TTC28: variants seen among roughly 807,000 people sequenced by gnomAD.
The protein encoded by TTC28 is tetratricopeptide repeat protein 28.
Under a neutral mutation model 198.0 loss-of-function variants are expected in TTC28, and 61 were observed. That is an observed-to-expected ratio of 0.31 (90% CI 0.25 to 0.38). The LOEUF (loss-of-function observed/expected upper bound fraction) is 0.38, where lower values mean the gene tolerates loss of function less well. Ranked by LOEUF, TTC28 falls within the 10% of genes least tolerant of loss-of-function variation. The pLI is 1.00. For synonymous variants in TTC28, 1,171 were observed against 1,297.8 expected, an observed-to-expected ratio of 0.90 and a Z score of 2.10; for missense variants, 2,678 against 3,164.0, an observed-to-expected ratio of 0.85 and a Z score of 3.69.
intron 13 of TTC28, among the ~76,000 whole-genome samples, chr22:28,018,434 T>A (rs865785223): frequency 6.6e-6 from 1 of 151,940 alleles, no homozygotes; most frequent in East Asian, 1.9e-4. Context: ...TGATTTGAGG[T>A]CAAAGTAAAT....
chr22:28,191,692 C>G (rs1029712933), intron 5 of TTC28, among the ~76,000 whole-genome samples: 1 of 152,320 alleles, frequency 6.6e-6, no homozygotes, highest in South Asian at 2.1e-4. Context: ...TTGCTCATTG[C>G]TAGCGCAGCA....
chr22:28,005,849 T>C lies in TTC28; in HGVS notation c.4219-4296A>G, dbSNP rs1428344169. On this transcript the variant is annotated intron_variant, in intron 14 of 22. Coordinates refer to ENST00000397906, the MANE Select transcript of TTC28 (RefSeq NM_001145418.2). This position sits in a 1 kb window ranked among gnomAD's most constrained non-coding sequence, Gnocchi z 4.9. The stretch of plus-strand genomic sequence containing the variant: ...ACAGTGGACATATCTCTGTGTCCTG[T>C]GGGCTGAATCACACCTCCTCCCATG... Among the ~76,000 whole-genome samples, 1 of 152,214 alleles carries C rather than the reference T, an allele frequency of 6.6e-6. No homozygotes were observed. The highest frequency in any genetic ancestry group is 2.4e-5 in the African/African-American group (1 of 41,448).
intron 2 of TTC28, among the ~76,000 whole-genome samples, chr22:28,347,698 C>G (rs1364088063): frequency 6.6e-6 from 1 of 152,132 alleles, no homozygotes; most frequent in Non-Finnish European, 1.5e-5. Context: ...ATGGTGAAAC[C>G]CCATCTCTAC....
intron 12 of TTC28, among the ~76,000 whole-genome samples, chr22:28,036,217 C>G (rs780341302): frequency 6.6e-6 from 1 of 152,092 alleles, no homozygotes; most frequent in Non-Finnish European, 1.5e-5. Context: ...CGGACTTATT[C>G]TAAAATTGAA....
intron 12 of TTC28, among the ~76,000 whole-genome samples, chr22:28,049,210 C>A (rs921763725): frequency 1.6e-4 from 24 of 152,268 alleles, no homozygotes; most frequent in Admixed American, 1.3e-3. Flanking sequence ...ATCGCCTGCA[C>A]CTGGGAGATG....
chr22:28,452,383 C>T (rs2047794030), intron 2 of TTC28, among the ~76,000 whole-genome samples: 1 of 90,906 alleles, frequency 1.1e-5, no homozygotes, highest in Non-Finnish European at 1.9e-5. Context: ...GAGCGAGATT[C>T]CATCTCAAAA....
At chr22:28,135,355 A>C (rs188504703) in intron 6 of TTC28, among the ~76,000 whole-genome samples, 53 of 152,350 alleles carry the variant, frequency 3.5e-4, no homozygotes, top group African/African-American at 1.2e-3. Flanking sequence ...AATATGCACA[A>C]TAACTTATTA....
At chr22:28,528,531 A>T (rs1026484014) in intron 2 of TTC28, among the ~76,000 whole-genome samples, 4 of 151,600 alleles carry the variant, frequency 2.6e-5, no homozygotes, top group African/African-American at 9.7e-5. Flanking sequence ...GGAGCTCTGG[A>T]CCAGCCTGGA....
At chr22:28,431,350 A>G (rs2047426687) in intron 2 of TTC28, among the ~76,000 whole-genome samples, 1 of 152,222 alleles carries the variant, frequency 6.6e-6, no homozygotes, top group Admixed American at 6.5e-5. Context: ...ATAGCTACAC[A>G]GTCTATTAAG....
chr22:28,549,193 A>G (rs964409276), intron 2 of TTC28, among the ~76,000 whole-genome samples: 1 of 151,658 alleles, frequency 6.6e-6, no homozygotes, highest in Admixed American at 6.6e-5. Context: ...ACACCCAGCT[A>G]ATTTTTTTTA....
chr22:28,206,699 T>C (rs1214032356), intron 5 of TTC28, among the ~76,000 whole-genome samples: 1 of 152,166 alleles, frequency 6.6e-6, no homozygotes, highest in Non-Finnish European at 1.5e-5. Flanking sequence ...ATGGGTCCTC[T>C]CATTAGGGGT....
At chr22:27,985,802 G>A (rs971318597) in intron 21 of TTC28, 4 of 159,438 alleles carry the variant, frequency 2.5e-5, no homozygotes, top group African/African-American at 9.6e-5. Context: ...CAAGGGCAAA[G>A]ACAATGCCTT....
At position 28,389,538 on chromosome 22, in the gene TTC28, C is replaced by A. The variant is rs1356899825; in HGVS notation, c.382-82895G>T. ...TTTCAGCTCCTGTTATTGGTCTATT[C>A]AGAGATTCAACTTCTTCCTGGTTTA... On this transcript the variant is annotated intron_variant, in intron 2 of 22. Transcript: ENST00000397906. Among the ~76,000 whole-genome samples the A allele has an allele frequency of 3.4e-5, 5 of 148,800 alleles. No homozygotes were observed. In the South Asian group the frequency reaches 1.1e-3, roughly 32 times the overall value.
At chr22:28,533,158 C>T (rs1798291518) in intron 2 of TTC28, among the ~76,000 whole-genome samples, 1 of 152,110 alleles carries the variant, frequency 6.6e-6, no homozygotes, top group Non-Finnish European at 1.5e-5. Context: ...CTAGAAAACC[C>T]CATCATCTCA....
intron 5 of TTC28, among the ~76,000 whole-genome samples, chr22:28,216,802 G>A (rs960401075): frequency 6.6e-6 from 1 of 152,048 alleles, no homozygotes; most frequent in African/African-American, 2.4e-5. Flanking sequence ...TCTTACTGCA[G>A]CCTCAATCTC....
At chr22:28,439,844 T>A (rs1224728438) in intron 2 of TTC28, among the ~76,000 whole-genome samples, 1 of 152,104 alleles carries the variant, frequency 6.6e-6, no homozygotes, top group Non-Finnish European at 1.5e-5. Flanking sequence ...CTGTACACTT[T>A]TTTTTTTTAA....
At chr22:28,351,935 A>G (rs1049437463) in intron 2 of TTC28, among the ~76,000 whole-genome samples, 1 of 152,116 alleles carries the variant, frequency 6.6e-6, no homozygotes. Context: ...TGGCTTATTG[A>G]TACTTACCTC....
In TTC28 at chr22:27,993,482, G is replaced by A. The variant is rs545896036; in HGVS notation, c.5281C>T (p.Arg1761Cys). ...KSLQRIQNGQ[R>C]NAMYTSQQSV... is the part of the protein sequence containing the mutation. ...TGCTGGGATGTGTACATGGCATTGC[G>A]CTGCCCATTCTGGATGCGCTGCAGG... The change falls in exon 18 of 23, where the codon CGC (arginine) becomes TGC (cysteine). Residue 1761 changes from arginine (R) to cysteine (C), a missense_variant. Physicochemically the swap from Arg to Cys is radical, Grantham distance 180. Coordinates refer to ENST00000397906, the MANE Select transcript of TTC28 (RefSeq NM_001145418.2). The A allele has an allele frequency of 1.5e-5, 24 of 1,550,414 alleles. No individual in the cohort carries two copies. Among genetic ancestry groups the A allele is most frequent in the Admixed American group, 9.8e-5 (5 of 50,900 alleles).
At chr22:28,564,547 T>C (rs1420028306) in intron 2 of TTC28, among the ~76,000 whole-genome samples, 2 of 151,988 alleles carry the variant, frequency 1.3e-5, no homozygotes, top group African/African-American at 4.8e-5. Flanking sequence ...ATATTATAGA[T>C]AGTTGTTATA....
Sources: gnomAD v4.1 joint callset for allele counts (sites outside exome capture counted in the v4.1 genomes callset) on GRCh38, gnomAD v4.1.1 for gene constraint, Gnocchi (gnomAD v3.1) non-coding constraint, MANE v1.5 for transcripts, NCBI Gene and HGNC (gene_info 2026-07-23, HGNC 2026-07-21) for gene names.